Variants in MAGI2 observed in about 807,000 individuals in gnomAD.
The protein encoded by MAGI2 is membrane-associated guanylate kinase, WW and PDZ domain-containing protein 2.
A neutral mutation model predicts 133.3 loss-of-function variants in MAGI2; 35 were observed. The observed-to-expected ratio is 0.26, with a 90% CI of 0.20 to 0.35. MAGI2 has a LOEUF of 0.35. MAGI2 is among the 10% of genes least tolerant of loss of function. The pLI is 1.00. For synonymous variants in MAGI2, 729 were observed against 710.6 expected, an observed-to-expected ratio of 1.03 and a Z score of -0.41; for missense variants, 1,636 against 1,863.4, an observed-to-expected ratio of 0.88 and a Z score of 2.25.
chr7:78,817,728 T>A (rs1789724646), intron 2 of MAGI2, among the ~76,000 whole-genome samples: 1 of 151,932 alleles, frequency 6.6e-6, no homozygotes, highest in African/African-American at 2.4e-5. Context: ...TTTTTTTTTT[T>A]AGCTGGAGTT....
intron 2 of MAGI2, among the ~76,000 whole-genome samples, chr7:78,950,969 C>CTTTT (rs761908445): frequency 5.6e-5 from 7 of 125,636 alleles, no homozygotes; most frequent in Admixed American, 1.6e-4. Flanking sequence ...CTAACGTTAG[C>CTTTT]TTTTTTTTTT....
Position 78,395,202 on chromosome 7 carries a change from T to A in MAGI2, c.1046-25989A>T, listed in dbSNP as rs140407223. Reference sequence around the variant, plus strand: ...TGTTTAATGTAAGTCACTCTTACACTATGGGAAAAACAAAAAAGAAAGCAG... The same window carrying A: ...TGTTTAATGTAAGTCACTCTTACACAATGGGAAAAACAAAAAAGAAAGCAG... On this transcript the variant is annotated intron_variant, in intron 6 of 21. Transcript: ENST00000354212. Among the ~76,000 whole-genome samples the A allele has an allele frequency of 3.2e-3, 489 of 152,170 alleles. 14 individuals are homozygous for A. The highest frequency in any genetic ancestry group is 0.026 in the Admixed American group (401 of 15,268).
In MAGI2 at chr7:79,324,609, AAATATATATAATATATATAT is replaced by A. The variant is rs1387453964; in HGVS notation, c.301+128391_301+128410del. On this transcript the variant is annotated intron_variant, in intron 1 of 21. Coordinates refer to ENST00000354212, the MANE Select transcript of MAGI2 (RefSeq NM_012301.4). ...ATATATATAACAATATATATATAAA[AAATATATATAATATATATAT>A]TATATATATATAAAATATATATATA... 1.5e-3 allele frequency among the ~76,000 whole-genome samples: 55 copies of A among 37,740 alleles called. 16 individuals are homozygous for A. Among genetic ancestry groups the A allele is most frequent in the African/African-American group, 4.4e-3 (52 of 11,886 alleles). The allele number at this position is 37,740 out of a possible 152,430, so 24.8% of individuals were successfully genotyped here. A position where few individuals can be genotyped will look rare whatever the true frequency, so the allele number is the denominator to read the frequency against.
chr7:78,536,909 ACCT>A, intron 3 of MAGI2, among the ~76,000 whole-genome samples: 2 of 151,780 alleles, frequency 1.3e-5, no homozygotes, highest in Non-Finnish European at 2.9e-5. Context: ...TGCACTCAGC[ACCT>A]ATGCAGTGTA....
intron 9 of MAGI2, among the ~76,000 whole-genome samples, chr7:78,333,380 A>G (rs1330613007): frequency 1.3e-5 from 2 of 152,360 alleles, no homozygotes; most frequent in South Asian, 4.1e-4. Context: ...CACAAGAAGC[A>G]TACTGCAGCA....
chr7:78,645,232 G>C (rs1056247657), intron 2 of MAGI2, among the ~76,000 whole-genome samples: 11 of 151,918 alleles, frequency 7.2e-5, no homozygotes, highest in South Asian at 6.2e-4. Context: ...ACATATTTAA[G>C]AAAGAAATAA....
At chr7:78,318,043 CA>C (rs1288327432) in intron 9 of MAGI2, among the ~76,000 whole-genome samples, 1 of 152,110 alleles carries the variant, frequency 6.6e-6, no homozygotes, top group Non-Finnish European at 1.5e-5. Context: ...CTGAAAATTC[CA>C]AAAACCAGAA....
intron 6 of MAGI2, among the ~76,000 whole-genome samples, chr7:78,453,310 A>T (rs1788929881): frequency 6.6e-6 from 1 of 152,208 alleles, no homozygotes; most frequent in Non-Finnish European, 1.5e-5. Flanking sequence ...CTCACTAATG[A>T]TCAACTCTTT....
chr7:78,519,517 G>A (rs1796318568), intron 4 of MAGI2, among the ~76,000 whole-genome samples: 1 of 152,104 alleles, frequency 6.6e-6, no homozygotes, highest in African/African-American at 2.4e-5. Context: ...CTATCATCAA[G>A]CTGAGGAATC....
At chr7:79,346,779 T>C (rs1841348554) in intron 1 of MAGI2, among the ~76,000 whole-genome samples, 1 of 151,968 alleles carries the variant, frequency 6.6e-6, no homozygotes, top group Non-Finnish European at 1.5e-5. Flanking sequence ...CCTCACACCT[T>C]ATCTGGTTTT....
chr7:78,290,354 C>T (rs1796572904), intron 9 of MAGI2, among the ~76,000 whole-genome samples: 1 of 152,120 alleles, frequency 6.6e-6, no homozygotes, highest in Admixed American at 6.6e-5. Context: ...CAAAGAAGGG[C>T]ATTACATAAT....
intron 2 of MAGI2, among the ~76,000 whole-genome samples, chr7:78,636,480 C>T (rs913002526): frequency 6.6e-6 from 1 of 151,874 alleles, no homozygotes; most frequent in Non-Finnish European, 1.5e-5. Context: ...AGCATCGGAC[C>T]CAAACTTGGT....
chr7:78,933,506 C>T (rs1800293967), intron 2 of MAGI2, among the ~76,000 whole-genome samples: 1 of 151,998 alleles, frequency 6.6e-6, no homozygotes, highest in Admixed American at 6.6e-5. Flanking sequence ...TGATGATGAA[C>T]AATATGCAAA....
chr7:79,066,290 T>G (rs955967670), intron 1 of MAGI2, among the ~76,000 whole-genome samples: 10 of 151,960 alleles, frequency 6.6e-5, no homozygotes, highest in South Asian at 2.1e-4. Context: ...GTGGTGTTTT[T>G]TTTTTTTTTG....
intron 6 of MAGI2, among the ~76,000 whole-genome samples, chr7:78,370,387 A>G (rs1430816752): frequency 6.6e-6 from 1 of 152,032 alleles, no homozygotes; most frequent in African/African-American, 2.4e-5. Context: ...TCGGCAGCAC[A>G]GCTAGAAGCT....
At chr7:78,271,286 G>T (rs1251772358) in intron 9 of MAGI2, among the ~76,000 whole-genome samples, 1 of 152,148 alleles carries the variant, frequency 6.6e-6, no homozygotes, top group East Asian at 1.9e-4. Flanking sequence ...AACCAGCCTT[G>T]CATCCCAGGG....
intron 1 of MAGI2, among the ~76,000 whole-genome samples, chr7:79,088,587 T>C (rs1484896227): frequency 6.6e-6 from 1 of 152,068 alleles, no homozygotes; most frequent in African/African-American, 2.4e-5. Context: ...TGTCTTGTGC[T>C]GGTTTTCAAA....
chr7:78,813,412 C>T (rs960669231), intron 2 of MAGI2, among the ~76,000 whole-genome samples: 9 of 152,166 alleles, frequency 5.9e-5, no homozygotes, highest in African/African-American at 2.2e-4. Flanking sequence ...AATGTTACCA[C>T]AACATTAACA....
At chr7:79,260,701 A>G (rs529491604) in intron 1 of MAGI2, among the ~76,000 whole-genome samples, 39 of 152,302 alleles carry the variant, frequency 2.6e-4, no homozygotes, top group African/African-American at 7.5e-4. Context: ...TTCACGCACG[A>G]AAGTATTTAA....
Sources: gnomAD v4.1 joint callset for allele counts (sites outside exome capture counted in the v4.1 genomes callset) on GRCh38, gnomAD v4.1.1 for gene constraint, MANE v1.5 for transcripts, NCBI Gene and HGNC (gene_info 2026-07-23, HGNC 2026-07-21) for gene names.